Variants in CACNA1S observed in about 807,000 individuals in gnomAD.
The protein encoded by CACNA1S is voltage-dependent L-type calcium channel subunit alpha-1S.
In CACNA1S, 126 loss-of-function variants were observed where a neutral mutation model predicts 207.4. The observed-to-expected ratio is 0.61, with a 90% CI of 0.53 to 0.70. The LOEUF is 0.70. Ranked by LOEUF, CACNA1S falls within the 30% of genes least tolerant of loss-of-function variation. The pLI, the probability that CACNA1S is intolerant of heterozygous loss-of-function variation, is 0.00. For missense variants in CACNA1S, 2,349 were observed against 2,422.8 expected, an observed-to-expected ratio of 0.97 and a Z score of 0.64; for synonymous variants, 960 against 932.7, an observed-to-expected ratio of 1.03 and a Z score of -0.53.
chr1:201,111,962 T>TCCTCCTCCTCCCCCACCCTCCTCCTCTG (rs1663125961), intron 1 of CACNA1S, among the ~76,000 whole-genome samples: 1 of 134,976 alleles, frequency 7.4e-6, no homozygotes, highest in Non-Finnish European at 1.6e-5. Flanking sequence ...CTCCTCCTCT[T>TCCTCCTCCTCCCCCACCCTCCTCCTCTG]CCTCCTCCTC....
chr1:201,079,123 AAAAAAAAAAC>A (rs1231074915), intron 10 of CACNA1S, among the ~76,000 whole-genome samples: 1 of 150,290 alleles, frequency 6.7e-6, no homozygotes, highest in Non-Finnish European at 1.5e-5. Context: ...CCATCTCAAA[AAAAAAAAAAC>A]AAAAAAACCC....
At chr1:201,110,577 G>T (rs759025990) in intron 1 of CACNA1S, among the ~76,000 whole-genome samples, 3 of 152,192 alleles carry the variant, frequency 2.0e-5, no homozygotes, top group Non-Finnish European at 4.4e-5. Context: ...TCTTCACACC[G>T]CTCCACTCTC....
rs549530915 is a variant in CACNA1S, at chr1:201,079,059, T to C, written c.1394-955A>G. Among the ~76,000 whole-genome samples the C allele has an allele frequency of 2.0e-5, 3 of 148,332 alleles. No individual in the cohort carries two copies. The South Asian group carries it at 6.5e-4, about 32-fold the overall frequency. ...TCGCTTGAACCTGGGAGGCGGAGGT[T>C]GCAGTGAGCCGAGATCAAGCCACTG... On this transcript the variant is annotated intron_variant, in intron 10 of 43. Transcript: ENST00000362061.
Position 201,049,030 on chromosome 1 carries a change from C to T in CACNA1S, c.4311G>A (p.Lys1437=). Residue 1437 remains lysine, a synonymous_variant, in exon 35 of 44, where the codon AAG becomes AAA. Coordinates refer to ENST00000362061, the MANE Select transcript of CACNA1S (RefSeq NM_000069.3). Reference sequence around the variant, plus strand: ...TACAAGCTACCCGATGTGGGCAGAACTTCCCAAAGCCCAGAGGGGGCTGAA... The same window carrying T: ...TACAAGCTACCCGATGTGGGCAGAATTTCCCAAAGCCCAGAGGGGGCTGAA... ...RRIQPPLGFG[K]FCPHRVACKR... is the part of the protein sequence containing the mutation. 6.2e-7 allele frequency: 1 copy of T among 1,613,920 alleles called. No homozygotes were observed. The highest frequency in any genetic ancestry group is 8.5e-7 in the Non-Finnish European group (1 of 1,179,926).
At position 201,093,925 on chromosome 1, in the gene CACNA1S, G is replaced by A. The variant is rs1276004803; in HGVS notation, c.355C>T (p.Arg119Cys). The A allele has an allele frequency of 6.8e-6, 11 of 1,614,210 alleles. No individual in the cohort carries two copies. Among genetic ancestry groups the A allele is most frequent in the African/African-American group, 2.7e-5 (2 of 75,054 alleles). ...AAGTCCAGCACATTCCAGCCACTGC[G>A]CAGGTAAGCGTCCTGGTGGAATAAG... ...GFLFHQDAYL[R>C]SGWNVLDFTI... The change falls in exon 3 of 44, where the codon CGC becomes TGC. Residue 119 changes from arginine to cysteine, a missense_variant. Arg to Cys is a radical substitution (Grantham distance 180). Coordinates refer to ENST00000362061, the MANE Select transcript of CACNA1S (RefSeq NM_000069.3).
At chr1:201,067,674 A>G (rs1015800351) in intron 19 of CACNA1S, among the ~76,000 whole-genome samples, 1 of 152,110 alleles carries the variant, frequency 6.6e-6, no homozygotes, top group South Asian at 2.1e-4. Flanking sequence ...CTCTCTGGCA[A>G]TGTCCCCAGA....
In CACNA1S at chr1:201,111,886, G is replaced by A. The variant is rs111992614; in HGVS notation, c.152+302C>T. On this transcript the variant is annotated intron_variant, in intron 1 of 43. Transcript: ENST00000362061. The stretch of plus-strand genomic sequence containing the variant: ...GACTTGGGTGGCCCACTCAGGCCCA[G>A]GAAGCCCCACCAAGTCCTCCTTCTC... Among the ~76,000 whole-genome samples, 11,099 of 110,562 alleles carry A rather than the reference G, an allele frequency of 0.1. 1,320 individuals carry two copies. The highest frequency in any genetic ancestry group is 0.31 in the African/African-American group (9,980 of 32,322). 72.5% of individuals were successfully genotyped at this position (110,562 alleles called of 152,430 possible).
intron 18 of CACNA1S, 69 bp from the exon 19 acceptor site, chr1:201,069,265 C>T: frequency 6.7e-7 from 1 of 1,496,792 alleles, no homozygotes; most frequent in Non-Finnish European, 9.3e-7. Flanking sequence ...GCAGCAGCAG[C>T]AGCATAAAGC....
intron 19 of CACNA1S, 77 bp from the exon 20 acceptor site, chr1:201,067,070 C>T (rs556884315): frequency 5.7e-4 from 551 of 958,854 alleles, no homozygotes; most frequent in Non-Finnish European, 6.5e-4. Context: ...GGGCTTCTCG[C>T]CTCTGCTCAG....
rs201748367 is a variant in CACNA1S, at chr1:201,077,043, G to T, written c.1704C>A (p.Leu568=). The T allele has an allele frequency of 3.4e-5, 55 of 1,614,092 alleles. 1 individual carries two copies. Among genetic ancestry groups the T allele is most frequent in the Non-Finnish European group, 5.9e-6 (7 of 1,180,050 alleles). ...SIASLLLLLF[L]FIVIFALLGM... ...CCAGGAGGGCGAAGATGACGATGAA[G>T]AGGAAGAGCAGCAGCAGCAGGGAGG... Residue 568 remains leucine, a synonymous_variant, in exon 12 of 44, where the codon CTC becomes CTA. Coordinates refer to ENST00000362061, the MANE Select transcript of CACNA1S (RefSeq NM_000069.3).
chr1:201,058,216 C>T (rs568611060), intron 28 of CACNA1S, among the ~76,000 whole-genome samples, 192 bp downstream of exon 28: 11 of 152,360 alleles, frequency 7.2e-5, no homozygotes, highest in African/African-American at 2.4e-4. Flanking sequence ...TTGTGTCCCC[C>T]TGGTATCTGA....
At chr1:201,081,796 C>T (rs907792013) in intron 10 of CACNA1S, among the ~76,000 whole-genome samples, 1 of 152,158 alleles carries the variant, frequency 6.6e-6, no homozygotes, top group African/African-American at 2.4e-5. Flanking sequence ...CTGAGTTCAC[C>T]ACAAAACCTG....
intron 11 of CACNA1S, 37 bp downstream of exon 11, chr1:201,077,842 C>A (rs747103445): frequency 1.3e-6 from 2 of 1,485,406 alleles, no homozygotes; most frequent in Admixed American, 1.7e-5. Flanking sequence ...TGGTGCCTGC[C>A]GGGGACCCGG....
chr1:201,109,243 C>CAAAAAAAAA (rs56739161), intron 2 of CACNA1S, among the ~76,000 whole-genome samples: 4 of 118,564 alleles, frequency 3.4e-5, no homozygotes, highest in African/African-American at 1.2e-4. Context: ...GACTCTGTCT[C>CAAAAAAAAA]AAAAAAAAAA....
chr1:201,068,728 T>C (rs976815362), intron 19 of CACNA1S, among the ~76,000 whole-genome samples: 2 of 151,782 alleles, frequency 1.3e-5, no homozygotes, highest in Non-Finnish European at 1.5e-5. Context: ...AAAAATTAGC[T>C]GGGTGTGGTG....
chr1:201,070,783 G>A (rs1047130120), intron 16 of CACNA1S, among the ~76,000 whole-genome samples: 2 of 152,134 alleles, frequency 1.3e-5, no homozygotes, highest in Non-Finnish European at 2.9e-5. Flanking sequence ...CCAGGTCTGC[G>A]TCTAACTTGC....
intron 22 of CACNA1S, among the ~76,000 whole-genome samples, chr1:201,063,627 A>C (rs1661145313): frequency 6.6e-6 from 1 of 152,184 alleles, no homozygotes; most frequent in Non-Finnish European, 1.5e-5. Context: ...CAGGCTTGAG[A>C]TCCACGGATT....
At chr1:201,046,152 A>T (rs1331722160) in intron 38 of CACNA1S, among the ~76,000 whole-genome samples, 1 of 124,012 alleles carries the variant, frequency 8.1e-6, no homozygotes, top group African/African-American at 4.9e-5. Context: ...CCAATGGGAC[A>T]TATTTATTTA....
At position 201,041,580 on chromosome 1, in the gene CACNA1S, A is replaced by G. The variant is rs1463916776; in HGVS notation, c.5058T>C (p.Tyr1686=). The change falls in exon 41 of 44, where the codon TAT becomes TAC. Residue 1686 remains tyrosine, a synonymous_variant. Transcript: ENST00000362061. ...CTGTCTCTTCTGGGAACTCCCTTTC[A>G]TAGTGGACACTGAAATGGAAGCAAG... is the stretch of plus-strand genomic sequence containing the variant. ...SNSHVFSSVH[Y]EREFPEETET... is the part of the protein sequence containing the mutation. 7.4e-6 allele frequency: 12 copies of G among 1,613,342 alleles called. No homozygotes were observed. Among genetic ancestry groups the G allele is most frequent in the Non-Finnish European group, 9.3e-6 (11 of 1,179,366 alleles).
Sources: allele counts gnomAD v4.1 joint callset (sites outside exome capture counted in the v4.1 genomes callset), GRCh38; gene constraint gnomAD v4.1.1; transcripts MANE v1.5; gene names NCBI Gene and HGNC (gene_info 2026-07-23, HGNC 2026-07-21).